The following MYH11 variants were observed in gnomAD, a reference collection of about 807,000 sequenced individuals.
The protein encoded by MYH11 is myosin-11.
MYH11 carries 80 observed loss-of-function variants against 246.6 expected under a neutral mutation model. The ratio of observed to expected loss-of-function variants is 0.32; its 90% CI spans 0.27 to 0.39. The LOEUF is 0.39. MYH11 is among the 10% of genes least tolerant of loss of function. The pLI is 1.00. For synonymous variants in MYH11, 1,071 were observed against 1,015.5 expected (o/e 1.05, Z -1.04); for missense variants, 2,158 against 2,546.8 (o/e 0.85, Z 3.29).
intron 25 of MYH11, among the ~76,000 whole-genome samples, chr16:15,737,044 G>C (rs1169927373): frequency 2.0e-5 from 3 of 152,106 alleles, no homozygotes. Flanking sequence ...TCACAAAAAA[G>C]AGGGCCCTTA....
At chr16:15,745,353 C>T in intron 19 of MYH11, 116 bp from the exon 20 acceptor site, 1 of 684,320 alleles carries the variant, frequency 1.5e-6, no homozygotes, top group East Asian at 2.7e-5. Flanking sequence ...CTCCCCAACT[C>T]AGGTTCTTCC....
rs2040284883 is a variant in MYH11, at chr16:15,718,411, G to A, written c.5199C>T (p.Arg1733=). ...CCAGCTGGGCGATCCGGGCCTCCAGGCGGCGCTTCTCGTCCTGGAGTGCGT... is the reference window on the plus strand; with the variant it reads ...CCAGCTGGGCGATCCGGGCCTCCAGACGGCGCTTCTCGTCCTGGAGTGCGT... ...GRNALQDEKR[R]LEARIAQLEE... The change falls in exon 37 of 41, where the codon CGC becomes CGT. Residue 1733 remains arginine, a synonymous_variant. Transcript: ENST00000300036. 1 of 1,587,916 alleles carries A rather than the reference G, an allele frequency of 6.3e-7. No individual in the cohort carries two copies. Among genetic ancestry groups the A allele is most frequent in the African/African-American group, 1.3e-5 (1 of 74,636 alleles).
intron 1 of MYH11, among the ~76,000 whole-genome samples, 198 bp downstream of exon 1, chr16:15,856,743 C>T (rs1424253358): frequency 1.3e-5 from 2 of 151,860 alleles, no homozygotes; most frequent in African/African-American, 4.8e-5. Flanking sequence ...TTAAGAAATG[C>T]TGTTTGGGGA....
intron 2 of MYH11, among the ~76,000 whole-genome samples, chr16:15,836,453 A>C (rs904208698): frequency 1.6e-4 from 24 of 152,056 alleles, no homozygotes; most frequent in African/African-American, 5.6e-4. Context: ...AAGCTGGAGT[A>C]CAATAACGCG....
chr16:15,797,001 C>T (rs2042756084), intron 4 of MYH11, among the ~76,000 whole-genome samples: 1 of 152,204 alleles, frequency 6.6e-6, no homozygotes, highest in Non-Finnish European at 1.5e-5. Context: ...TAATCCTCTT[C>T]CCTTTCCCCA....
At chr16:15,830,541 G>A (rs1276488138) in intron 2 of MYH11, among the ~76,000 whole-genome samples, 1 of 152,050 alleles carries the variant, frequency 6.6e-6, no homozygotes, top group Non-Finnish European at 1.5e-5. Flanking sequence ...TGCCATTTTG[G>A]AGGGGTGCAG....
chr16:15,739,149 G>C (rs1427541917), intron 23 of MYH11, among the ~76,000 whole-genome samples: 1 of 151,536 alleles, frequency 6.6e-6, no homozygotes, highest in Non-Finnish European at 1.5e-5. Context: ...GCCCAGGGTG[G>C]AGTGCAGTGT....
chr16:15,851,237 C>G (rs750732226), intron 1 of MYH11, among the ~76,000 whole-genome samples: 1 of 152,046 alleles, frequency 6.6e-6, no homozygotes, highest in Non-Finnish European at 1.5e-5. Flanking sequence ...ACTGGGCACT[C>G]TAAATGCACC....
At chr16:15,851,441 G>A (rs894338500) in intron 1 of MYH11, among the ~76,000 whole-genome samples, 3 of 152,126 alleles carry the variant, frequency 2.0e-5, no homozygotes, top group African/African-American at 7.2e-5. Flanking sequence ...TAAGATGACC[G>A]AGGTCCTGGA....
At chr16:15,803,979 G>A (rs1363359130) in intron 3 of MYH11, among the ~76,000 whole-genome samples, 1 of 152,154 alleles carries the variant, frequency 6.6e-6, no homozygotes, top group Non-Finnish European at 1.5e-5. Context: ...CTGCCAACCC[G>A]TGTGGAGCAC....
intron 31 of MYH11, among the ~76,000 whole-genome samples, chr16:15,723,145 A>G (rs2040572142): frequency 6.6e-6 from 1 of 152,218 alleles, no homozygotes; most frequent in Admixed American, 6.5e-5. Flanking sequence ...GGTTTGGGTC[A>G]TACAGGGGTC....
chr16:15,733,304 G>A lies in MYH11; in HGVS notation c.3507-596C>T, dbSNP rs558235618. Reference sequence around the variant, plus strand: ...GCTGGAGTGCGACAGCGCAATCTTGGCCCCCTGCAACCTCCACCTCCCGGG... The same window carrying A: ...GCTGGAGTGCGACAGCGCAATCTTGACCCCCTGCAACCTCCACCTCCCGGG... On this transcript the variant is annotated intron_variant, in intron 26 of 40. Coordinates refer to ENST00000300036, the MANE Select transcript of MYH11 (RefSeq NM_002474.3). 2.0e-5 allele frequency among the ~76,000 whole-genome samples: 3 copies of A among 152,272 alleles called. No individual in the cohort carries two copies. In the East Asian group the frequency reaches 5.8e-4, roughly 29 times the overall value.
chr16:15,707,226 G>A (rs559465739), intron 40 of MYH11, among the ~76,000 whole-genome samples: 8 of 152,184 alleles, frequency 5.3e-5, no homozygotes, highest in African/African-American at 1.7e-4. Context: ...TAGGAGAGAC[G>A]GGGTTTTACC....
intron 3 of MYH11, among the ~76,000 whole-genome samples, chr16:15,813,953 G>C (rs868843610): frequency 6.7e-6 from 1 of 149,338 alleles, no homozygotes; most frequent in Non-Finnish European, 1.5e-5. Context: ...TCAGGAGCTC[G>C]AGACGAGCCT....
rs114488692 is a variant in MYH11 at position 15,849,315 on chromosome 16, A to G, written c.-18+7626T>C. Among the ~76,000 whole-genome samples the G allele has an allele frequency of 2.0e-3, 297 of 152,290 alleles. 3 individuals are homozygous for G. Among genetic ancestry groups the G allele is most frequent in the African/African-American group, 6.8e-3 (282 of 41,568 alleles). The stretch of plus-strand genomic sequence containing the variant: ...CCAAAGCTCTAGGATGACAGGCGTG[A>G]GTCACCTCGTCCAACTTTCTCGAAT... On this transcript the variant is annotated intron_variant, in intron 1 of 40. Transcript: ENST00000300036.
In MYH11 at chr16:15,735,583, C is replaced by T; in HGVS notation, c.3294-5G>A. ...TGAGCGATTTCATCGTCAAGCCTTCCAGGGAGAGACCCAGCAGAATGAACC... is the reference window on the plus strand; with the variant it reads ...TGAGCGATTTCATCGTCAAGCCTTCTAGGGAGAGACCCAGCAGAATGAACC... On this transcript the variant is annotated splice_polypyrimidine_tract_variant and splice_region_variant and intron_variant, in intron 25 of 40. Coordinates refer to ENST00000300036, the MANE Select transcript of MYH11 (RefSeq NM_002474.3). The T allele has an allele frequency of 6.2e-7, 1 of 1,614,166 alleles. No individual in the cohort carries two copies. The highest frequency in any genetic ancestry group is 8.5e-7 in the Non-Finnish European group (1 of 1,180,030).
chr16:15,789,246 G>A (rs1323319020), intron 4 of MYH11, among the ~76,000 whole-genome samples: 1 of 152,122 alleles, frequency 6.6e-6, no homozygotes, highest in African/African-American at 2.4e-5. Flanking sequence ...CATGACACAG[G>A]CCCAACCCTC....
chr16:15,778,721 G>T lies in MYH11; in HGVS notation c.790+59C>A, dbSNP rs574664960. On this transcript the variant is annotated intron_variant, in intron 7 of 40. Transcript: ENST00000300036. ...GGCTCTTGGACTCTCCCAGCCTCTGGGCAGGAGATTGGTAGGGGGCAGGGG... is the reference window on the plus strand; with the variant it reads ...GGCTCTTGGACTCTCCCAGCCTCTGTGCAGGAGATTGGTAGGGGGCAGGGG... 2.0e-6 allele frequency: 3 copies of T among 1,535,114 alleles called. No homozygotes were observed. In the Admixed American group the frequency reaches 5.0e-5, roughly 26 times the overall value.
chr16:15,855,395 C>A (rs753377246), intron 1 of MYH11, among the ~76,000 whole-genome samples: 10 of 152,160 alleles, frequency 6.6e-5, no homozygotes, highest in Non-Finnish European at 1.3e-4. Context: ...TTTAGTCCCA[C>A]CAGAAACCTG....
Sources: allele counts gnomAD v4.1 joint callset (sites outside exome capture counted in the v4.1 genomes callset), GRCh38; gene constraint gnomAD v4.1.1; transcripts MANE v1.5; gene names NCBI Gene and HGNC (gene_info 2026-07-23, HGNC 2026-07-21).